GARRE1: variants seen among roughly 807,000 people sequenced by gnomAD.
GARRE1 encodes granule associated Rac and RHOG effector protein 1.
GARRE1 carries 49 observed loss-of-function variants against 103.2 expected under a neutral mutation model. That is an observed-to-expected ratio of 0.47 (90% CI 0.38 to 0.60). The LOEUF (loss-of-function observed/expected upper bound fraction) is 0.60, where lower values mean the gene tolerates loss of function less well. Ranked by LOEUF, GARRE1 falls within the 20% of genes least tolerant of loss-of-function variation. The probability of loss-of-function intolerance (pLI) is 0.00; values close to 1 mark genes in which losing one functional copy is unlikely to be tolerated. For synonymous variants in GARRE1, 505 were observed against 532.8 expected (o/e 0.95, Z 0.72); for missense variants, 1,199 against 1,370.5 (o/e 0.87, Z 1.98).
Position 34,341,959 on chromosome 19 carries a change from C to T in GARRE1, c.2025C>T (p.Ala675=), listed in dbSNP as rs2074187679. The change falls in exon 10 of 14, where the codon GCC becomes GCT. Residue 675 remains alanine, a synonymous_variant. Transcript: ENST00000299505. ...SPLVTRHNSA[A]TAMVTEQKAG... ...TGGTGACAAGGCATAATTCTGCTGC[C>T]ACAGCCATGGTGACTGAGCAGAAGG... is the stretch of plus-strand genomic sequence containing the variant. 6.2e-7 allele frequency: 1 copy of T among 1,614,076 alleles called. No individual in the cohort carries two copies. Among genetic ancestry groups the T allele is most frequent in the African/African-American group, 1.3e-5 (1 of 74,920 alleles).
chr19:34,308,365 A>G (rs1431577551), intron 2 of GARRE1, among the ~76,000 whole-genome samples: 1 of 150,252 alleles, frequency 6.7e-6, no homozygotes, highest in Non-Finnish European at 1.5e-5. Flanking sequence ...GAAAGTTCAT[A>G]TTGCTGCTGC....
chr19:34,304,802 A>G (rs919287062), intron 2 of GARRE1, among the ~76,000 whole-genome samples: 1 of 144,108 alleles, frequency 6.9e-6, no homozygotes, highest in Non-Finnish European at 1.5e-5. Flanking sequence ...TTATTTATTT[A>G]TTTTTTTGAG....
chr19:34,289,945 T>C (rs938797944), intron 1 of GARRE1, among the ~76,000 whole-genome samples: 5 of 152,168 alleles, frequency 3.3e-5, no homozygotes, highest in African/African-American at 1.2e-4. Context: ...ATGAAGGGCC[T>C]TTTTGGCACT....
chr19:34,330,173 T>A lies in GARRE1; in HGVS notation c.1105-16T>A. The A allele has an allele frequency of 1.2e-6, 2 of 1,611,078 alleles. No individual in the cohort carries two copies. Among genetic ancestry groups the A allele is most frequent in the Non-Finnish European group, 8.5e-7 (1 of 1,177,536 alleles). On this transcript the variant is annotated splice_polypyrimidine_tract_variant and intron_variant, in intron 6 of 13. Coordinates refer to ENST00000299505, the MANE Select transcript of GARRE1 (RefSeq NM_014686.5). Reference sequence around the variant, plus strand: ...CTTTGTCTTGAGGTGTGAACTCTCTTCTTATCAATCTATAGCATACAATGT... The same window carrying A: ...CTTTGTCTTGAGGTGTGAACTCTCTACTTATCAATCTATAGCATACAATGT...
chr19:34,265,981 G>A (rs1022133211), intron 1 of GARRE1, among the ~76,000 whole-genome samples: 2 of 152,232 alleles, frequency 1.3e-5, no homozygotes, highest in Non-Finnish European at 2.9e-5. Context: ...GAAGTGCGTC[G>A]TTTCCATGAA....
At chr19:34,263,028 C>T (rs2073728449) in intron 1 of GARRE1, among the ~76,000 whole-genome samples, 1 of 151,812 alleles carries the variant, frequency 6.6e-6, no homozygotes, top group African/African-American at 2.4e-5. Flanking sequence ...AGCCTGACAA[C>T]ATGGTGAAAC....
At chr19:34,315,480 G>A (rs2074055692) in intron 2 of GARRE1, among the ~76,000 whole-genome samples, 1 of 152,192 alleles carries the variant, frequency 6.6e-6, no homozygotes. Context: ...GGGAGGCCAA[G>A]GCGGGTGGAT....
chr19:34,339,722 G>C, intron 8 of GARRE1, 145 bp from the exon 9 acceptor site: 2 of 913,438 alleles, frequency 2.2e-6, no homozygotes, highest in South Asian at 3.1e-5. Flanking sequence ...GATCAGCCCT[G>C]TTGTTCTCTC....
chr19:34,315,917 C>T (rs2074058254), intron 2 of GARRE1, among the ~76,000 whole-genome samples: 1 of 152,162 alleles, frequency 6.6e-6, no homozygotes, highest in African/African-American at 2.4e-5. Context: ...CCTTCTCCTC[C>T]ACCATCAAGG....
intron 2 of GARRE1, among the ~76,000 whole-genome samples, chr19:34,308,964 A>T (rs1196674937): frequency 6.6e-6 from 1 of 152,044 alleles, no homozygotes; most frequent in Non-Finnish European, 1.5e-5. Flanking sequence ...CCCAAATCTC[A>T]TTGATCAGCC....
chr19:34,299,046 C>G (rs2073963192), intron 1 of GARRE1, among the ~76,000 whole-genome samples: 2 of 152,160 alleles, frequency 1.3e-5, no homozygotes. Flanking sequence ...CGCCTGCCAG[C>G]CACTCCCTTC....
chr19:34,310,949 C>A (rs2074033330), intron 2 of GARRE1, among the ~76,000 whole-genome samples: 1 of 152,072 alleles, frequency 6.6e-6, no homozygotes, highest in African/African-American at 2.4e-5. Context: ...AATATCCAAT[C>A]TCTTTTTTCT....
chr19:34,328,247 AAAAT>A (rs1402140239), intron 6 of GARRE1, 96 bp downstream of exon 6: 28 of 1,415,356 alleles, frequency 2.0e-5, no homozygotes, highest in Non-Finnish European at 2.7e-5. Flanking sequence ...GATTAAAAAA[AAAAT>A]GGGGCCGGGC....
At position 34,301,766 on chromosome 19, in the gene GARRE1, T is replaced by G. The variant is rs981604681; in HGVS notation, c.495+798T>G. ...GGCACGATCTCGGCTCACTGCAAGG[T>G]CCGCCTCCTGGGTTCATGCCATTCT... is the stretch of plus-strand genomic sequence containing the variant. On this transcript the variant is annotated intron_variant, in intron 2 of 13. Coordinates refer to ENST00000299505, the MANE Select transcript of GARRE1 (RefSeq NM_014686.5). Among the ~76,000 whole-genome samples, 10 of 149,632 alleles carry G rather than the reference T, an allele frequency of 6.7e-5. No individual in the cohort carries two copies. In the Admixed American group the frequency reaches 6.7e-4, roughly 10 times the overall value.
intron 12 of GARRE1, among the ~76,000 whole-genome samples, chr19:34,350,184 T>G (rs186168071): frequency 6.6e-6 from 1 of 152,262 alleles, no homozygotes; most frequent in Non-Finnish European, 1.5e-5. Flanking sequence ...TCAATGAGGC[T>G]TCTGATGAGC....
intron 1 of GARRE1, among the ~76,000 whole-genome samples, chr19:34,254,874 G>A (rs1255501947): frequency 6.6e-6 from 1 of 150,674 alleles, no homozygotes; most frequent in Non-Finnish European, 1.5e-5. Context: ...CGGGACCTGG[G>A]GGCGCGTCGG....
chr19:34,308,487 A>G (rs1015645770), intron 2 of GARRE1, among the ~76,000 whole-genome samples: 9 of 152,200 alleles, frequency 5.9e-5, no homozygotes, highest in Non-Finnish European at 8.8e-5. Context: ...TGAATCTGCT[A>G]TTACCTAAAT....
At chr19:34,330,418 GAC>G in intron 7 of GARRE1, 71 bp downstream of exon 7, 1 of 1,453,084 alleles carries the variant, frequency 6.9e-7, no homozygotes, top group African/African-American at 1.4e-5. Flanking sequence ...ATGTGGTGCA[GAC>G]ACATGTGTGA....
At chr19:34,272,242 C>G (rs2145958618) in intron 1 of GARRE1, among the ~76,000 whole-genome samples, 1 of 152,254 alleles carries the variant, frequency 6.6e-6, no homozygotes, top group East Asian at 1.9e-4. Flanking sequence ...GAAACATAGT[C>G]TTGCTCTGTT....
Sources: allele counts gnomAD v4.1 joint callset (sites outside exome capture counted in the v4.1 genomes callset), GRCh38; gene constraint gnomAD v4.1.1; transcripts MANE v1.5; gene names NCBI Gene and HGNC (gene_info 2026-07-23, HGNC 2026-07-21).